The following PRKAG2 variants were observed in gnomAD, a reference collection of about 807,000 sequenced individuals.
The protein encoded by PRKAG2 is protein kinase AMP-activated non-catalytic subunit gamma 2.
In PRKAG2, 26 loss-of-function variants were observed where a neutral mutation model predicts 69.6. The observed-to-expected ratio is 0.37, with a 90% CI of 0.27 to 0.52. The LOEUF (loss-of-function observed/expected upper bound fraction) is 0.52. Among genes scored for constraint, PRKAG2 ranks in the 20% least tolerant of loss-of-function variants. PRKAG2 has a pLI of 0.90. For missense variants in PRKAG2, 557 were observed against 740.0 expected, an observed-to-expected ratio of 0.75 and a Z score of 2.87; for synonymous variants, 293 against 285.0, an observed-to-expected ratio of 1.03 and a Z score of -0.28.
chr7:151,573,106 C>G (rs1363128518), intron 8 of PRKAG2, among the ~76,000 whole-genome samples: 1 of 150,688 alleles, frequency 6.6e-6, no homozygotes, highest in African/African-American at 2.4e-5. Context: ...GAGTGAGACT[C>G]TGTCTCAAAA....
chr7:151,818,556 G>A (rs2078699435), intron 1 of PRKAG2, among the ~76,000 whole-genome samples: 1 of 152,242 alleles, frequency 6.6e-6, no homozygotes, highest in African/African-American at 2.4e-5. Context: ...TCTGCAAAAG[G>A]GCTGATGGCA....
chr7:151,655,919 CAAATCTGGTGA>C (rs1052464531), intron 4 of PRKAG2, among the ~76,000 whole-genome samples: 117 of 152,296 alleles, frequency 7.7e-4, no homozygotes, highest in Non-Finnish European at 1.5e-3. Context: ...ACATACTACC[CAAATCTGGTGA>C]AAATTCATTT....
chr7:151,866,671 G>A (rs1240051402), intron 1 of PRKAG2, among the ~76,000 whole-genome samples: 4 of 152,142 alleles, frequency 2.6e-5, no homozygotes, highest in South Asian at 2.1e-4. Flanking sequence ...ATGAGGATGG[G>A]GCCCAGGTGA....
chr7:151,780,404 T>C lies in PRKAG2; in HGVS notation c.466+748A>G, dbSNP rs1013673804. ...GTCAAGGACAAATTTGTTTTCCACATCACTATCTTCCCCAATACAAATGTT... is the reference window on the plus strand; with the variant it reads ...GTCAAGGACAAATTTGTTTTCCACACCACTATCTTCCCCAATACAAATGTT... On this transcript the variant is annotated intron_variant, in intron 3 of 15. Transcript: ENST00000287878. The surrounding 1 kb of genome is among the most constrained non-coding windows in gnomAD (Gnocchi z 4.2). Among the ~76,000 whole-genome samples, 8 of 152,200 alleles carry C rather than the reference T, an allele frequency of 5.3e-5. No individual in the cohort carries two copies. Among genetic ancestry groups the C allele is most frequent in the Non-Finnish European group, 1.0e-4 (7 of 68,030 alleles).
intron 5 of PRKAG2, among the ~76,000 whole-genome samples, chr7:151,596,710 CT>C (rs1814619471): frequency 6.6e-6 from 1 of 151,870 alleles, no homozygotes; most frequent in Non-Finnish European, 1.5e-5. Context: ...GATTGCGGCA[CT>C]GCACTCCAGC....
At chr7:151,669,934 A>ACATACCTGCATGCACACACACCTGTG (rs1290710345) in intron 4 of PRKAG2, among the ~76,000 whole-genome samples, 350 of 6,274 alleles carry the variant, frequency 0.056, 1 homozygote, top group African/African-American at 0.16. Context: ...ACACCTGTGC[A>ACATACCTGCATGCACACACACCTGTG]CACACTTGCA....
rs142140010 is a variant in PRKAG2 at position 151,752,239 on chromosome 7, A to T, written c.466+28913T>A. Among the ~76,000 whole-genome samples the T allele has an allele frequency of 2.6e-3, 395 of 152,364 alleles. 1 individual carries two copies. The highest frequency in any genetic ancestry group is 8.8e-3 in the African/African-American group (367 of 41,582). ...CACAGCCATAAAAAAGAAAGAGATC[A>T]CGTCTTTTGAGGGAACATGGATGGA... On this transcript the variant is annotated intron_variant, in intron 3 of 15. Coordinates refer to ENST00000287878, the MANE Select transcript of PRKAG2 (RefSeq NM_016203.4).
chr7:151,811,717 TAGGA>T (rs1326231866), intron 1 of PRKAG2, among the ~76,000 whole-genome samples: 1 of 152,096 alleles, frequency 6.6e-6, no homozygotes, highest in Non-Finnish European at 1.5e-5. Context: ...GCCTGCCCAC[TAGGA>T]AGGGAGGGAA....
chr7:151,674,424 C>A (rs1282108815), intron 4 of PRKAG2, among the ~76,000 whole-genome samples: 2 of 152,206 alleles, frequency 1.3e-5, no homozygotes, highest in Non-Finnish European at 2.9e-5. Flanking sequence ...AATGTGACAA[C>A]TGAATGGAGT....
chr7:151,670,917 A>T lies in PRKAG2; in HGVS notation c.684+4503T>A, dbSNP rs567336575. Among the ~76,000 whole-genome samples, 3 of 152,306 alleles carry T rather than the reference A, an allele frequency of 2.0e-5. No individual in the cohort carries two copies. In the East Asian group the frequency reaches 5.8e-4, roughly 29 times the overall value. On this transcript the variant is annotated intron_variant, in intron 4 of 15. Transcript: ENST00000287878. ...CCGCGCGTGGTTGGCTCACGCCTAT[A>T]ATCCCAGCACTTTGGGAGGCCAAGG...
intron 3 of PRKAG2, among the ~76,000 whole-genome samples, chr7:151,677,657 T>G (rs903574728): frequency 6.6e-6 from 1 of 152,256 alleles, no homozygotes; most frequent in Non-Finnish European, 1.5e-5. Flanking sequence ...TTCTGTACAT[T>G]GTGAACTGTA....
rs373450416 is a variant in PRKAG2, at chr7:151,762,270, G to A, written c.466+18882C>T. 4.3e-4 allele frequency among the ~76,000 whole-genome samples: 66 copies of A among 152,346 alleles called. 1 individual carries two copies. The East Asian group carries it at 7.7e-3, about 18-fold the overall frequency. ...TCCCCTACACGCATCTCCAGGGTGG[G>A]AAATGACTTTCCGCAGTAGGCAGGC... is the stretch of plus-strand genomic sequence containing the variant. On this transcript the variant is annotated intron_variant, in intron 3 of 15. Transcript: ENST00000287878.
At chr7:151,560,326 G>C in intron 15 of PRKAG2, 198 bp downstream of exon 15, 3 of 1,495,234 alleles carry the variant, frequency 2.0e-6, no homozygotes, top group Non-Finnish European at 2.7e-6. Context: ...CTTCGAATAC[G>C]TTCTATACAC....
intron 1 of PRKAG2, among the ~76,000 whole-genome samples, chr7:151,861,846 C>T (rs1355943902): frequency 2.6e-5 from 4 of 152,070 alleles, no homozygotes; most frequent in Non-Finnish European, 4.4e-5. Flanking sequence ...CAATCATTGA[C>T]ACCGGGGTTG....
intron 6 of PRKAG2, among the ~76,000 whole-genome samples, chr7:151,580,146 C>T (rs1277161511): frequency 2.0e-5 from 3 of 152,116 alleles, no homozygotes; most frequent in Non-Finnish European, 4.4e-5. Context: ...GAGTTCAAGA[C>T]CAGCCTGGCC....
At position 151,568,713 on chromosome 7, in the gene PRKAG2, T is replaced by C; in HGVS notation, c.1233+3A>G. ...GTCTTTAGAAACGCTAAAAACTACT[T>C]ACAAAAAGCTGGAGGAACTTGAGGA... On this transcript the variant is annotated splice_donor_region_variant and intron_variant, in intron 11 of 15. Transcript: ENST00000287878. 3 of 1,613,624 alleles carry C rather than the reference T, an allele frequency of 1.9e-6. No individual in the cohort carries two copies. Among genetic ancestry groups the C allele is most frequent in the Non-Finnish European group, 2.5e-6 (3 of 1,179,626 alleles).
chr7:151,579,169 C>A (rs1809751933), intron 6 of PRKAG2, among the ~76,000 whole-genome samples: 1 of 152,136 alleles, frequency 6.6e-6, no homozygotes, highest in Non-Finnish European at 1.5e-5. Flanking sequence ...GGACCACAGG[C>A]ACATGCCACC....
At chr7:151,565,525 AATC>A (rs1358862139) in intron 12 of PRKAG2, 142 bp from the exon 13 acceptor site, 6 of 994,836 alleles carry the variant, frequency 6.0e-6, no homozygotes, top group East Asian at 2.6e-5. Flanking sequence ...TTAGATATGA[AATC>A]ATATTTTAAT....
At chr7:151,637,707 GTTTT>G (rs78930256) in intron 4 of PRKAG2, among the ~76,000 whole-genome samples, 1 of 141,804 alleles carries the variant, frequency 7.1e-6, no homozygotes, top group African/African-American at 2.6e-5. Context: ...AAGTCATGAG[GTTTT>G]TTTTTTTTTT....
Sources: gnomAD v4.1 joint callset for allele counts (sites outside exome capture counted in the v4.1 genomes callset) on GRCh38, gnomAD v4.1.1 for gene constraint, Gnocchi (gnomAD v3.1) non-coding constraint, MANE v1.5 for transcripts, NCBI Gene and HGNC (gene_info 2026-07-23, HGNC 2026-07-21) for gene names.